Variants in OPTN observed in about 807,000 individuals in gnomAD.
OPTN encodes E3-14.7K-interacting protein.
Under a neutral mutation model 70.4 loss-of-function variants are expected in OPTN, and 54 were observed. The ratio of observed to expected loss-of-function variants is 0.77; its 90% CI spans 0.62 to 0.96. The LOEUF is 0.96. Ranked by LOEUF, OPTN falls within the 40% of genes least tolerant of loss-of-function variation. The pLI is 0.00. For synonymous variants in OPTN, 256 were observed against 248.5 expected (o/e 1.03, Z -0.28); for missense variants, 624 against 673.2 (o/e 0.93, Z 0.81).
At chr10:13,101,714 T>G (rs1832753325) in intron 1 of OPTN, among the ~76,000 whole-genome samples, 1 of 152,226 alleles carries the variant, frequency 6.6e-6, no homozygotes, top group African/African-American at 2.4e-5. Flanking sequence ...ATCTGTGTTA[T>G]GAAGTGATAC....
At chr10:13,118,383 C>A (rs1833265861) in intron 6 of OPTN, among the ~76,000 whole-genome samples, 1 of 152,168 alleles carries the variant, frequency 6.6e-6, no homozygotes, top group African/African-American at 2.4e-5. Context: ...ATCAACAGAG[C>A]CTCCATTTCT....
intron 6 of OPTN, 33 bp from the exon 7 acceptor site, chr10:13,118,854 CT>C (rs765308183): frequency 6.2e-7 from 1 of 1,606,264 alleles, no homozygotes; most frequent in South Asian, 1.1e-5. Flanking sequence ...TGGAATTTTT[CT>C]GATGAAAACC....
chr10:13,120,056 C>T (rs1405655312), intron 7 of OPTN, among the ~76,000 whole-genome samples: 2 of 148,042 alleles, frequency 1.4e-5, no homozygotes, highest in African/African-American at 2.5e-5. Context: ...AATCTCGGCT[C>T]ACTGCAAGCT....
chr10:13,100,201 G>C lies in OPTN; in HGVS notation c.-265G>C, dbSNP rs1351268397. On this transcript the variant is annotated 5_prime_UTR_variant, in exon 1 of 15. Transcript: ENST00000378747. Reference sequence around the variant, plus strand: ...CCCTCCGCCACCGCCGCCGCCCGCCGGCAGGTTCCCTGGTCAGCGTCCCAT... The same window carrying C: ...CCCTCCGCCACCGCCGCCGCCCGCCCGCAGGTTCCCTGGTCAGCGTCCCAT... 3.9e-5 allele frequency: 6 copies of C among 154,516 alleles called. No individual in the cohort carries two copies. Among genetic ancestry groups the C allele is most frequent in the African/African-American group, 1.4e-4 (6 of 41,470 alleles). 9.6% of individuals were successfully genotyped at this position (154,516 alleles called of 1,614,324 possible). A position where few individuals can be genotyped will look rare whatever the true frequency, so the allele number is the denominator to read the frequency against.
chr10:13,124,500 T>A (rs2131514450), intron 9 of OPTN, among the ~76,000 whole-genome samples: 1 of 152,342 alleles, frequency 6.6e-6, no homozygotes, highest in Non-Finnish European at 1.5e-5. Context: ...AAGGTCAATT[T>A]CAATTTGTTA....
In OPTN at chr10:13,104,453, C is replaced by T. The variant is rs867824074; in HGVS notation, c.-163-3685C>T. On this transcript the variant is annotated intron_variant, in intron 1 of 14. Coordinates refer to ENST00000378747, the MANE Select transcript of OPTN (RefSeq NM_001008212.2). Reference sequence around the variant, plus strand: ...TTTTTTTTTTTTTTTTTTACTATTACAAAATTTATTTAACAAAAAGTCTAA... The same window carrying T: ...TTTTTTTTTTTTTTTTTTACTATTATAAAATTTATTTAACAAAAAGTCTAA... 1.5e-3 allele frequency: 241 copies of T among 156,374 alleles called. 3 individuals carry two copies. The highest frequency in any genetic ancestry group is 0.015 in the Middle Eastern group (5 of 332). The allele number at this position is 156,374 out of a possible 1,614,324, so 9.7% of individuals were successfully genotyped here.
chr10:13,135,717 G>C (rs1833684858), intron 14 of OPTN, among the ~76,000 whole-genome samples: 1 of 152,124 alleles, frequency 6.6e-6, no homozygotes, highest in African/African-American at 2.4e-5. Flanking sequence ...GGTACACTCT[G>C]TTCTAGGAGA....
intron 12 of OPTN, among the ~76,000 whole-genome samples, chr10:13,130,317 C>T (rs1053698120): frequency 3.4e-5 from 5 of 146,418 alleles, no homozygotes; most frequent in African/African-American, 5.1e-5. Flanking sequence ...CCCAGCTACT[C>T]GGGAGGCTGA....
At chr10:13,100,800 G>A (rs764244992) in intron 1 of OPTN, among the ~76,000 whole-genome samples, 23 of 152,184 alleles carry the variant, frequency 1.5e-4, no homozygotes, top group Non-Finnish European at 3.1e-4. Flanking sequence ...AATATTTGAT[G>A]AGGCCGAGAA....
rs1833638260 is a variant in OPTN at position 13,133,638 on chromosome 10, T to C, written c.1612+57T>C. 8.0e-6 allele frequency: 12 copies of C among 1,508,876 alleles called. No homozygotes were observed. In the South Asian group the frequency reaches 1.2e-4, roughly 16 times the overall value. The allele number at this position is 1,508,876 out of a possible 1,614,324, so 93.5% of individuals were successfully genotyped here. ...AATAGCTATCCTATGAAAAAGATGC[T>C]TGAAGAAAAATTCCACTTCATTCTC... is the stretch of plus-strand genomic sequence containing the variant. On this transcript the variant is annotated intron_variant, in intron 14 of 14. Coordinates refer to ENST00000378747, the MANE Select transcript of OPTN (RefSeq NM_001008212.2).
At chr10:13,116,535 G>A (rs1833213442) in intron 6 of OPTN, 195 bp downstream of exon 6, 1 of 644,458 alleles carries the variant, frequency 1.6e-6, no homozygotes, top group Non-Finnish European at 2.8e-6. Context: ...AAAACTGTTT[G>A]GTTCCTGTTT....
At chr10:13,133,476 C>T (rs911318507) in intron 13 of OPTN, 26 bp from the exon 14 acceptor site, 7 of 1,607,584 alleles carry the variant, frequency 4.4e-6, no homozygotes, top group Non-Finnish European at 6.0e-6. Context: ...GAACATCACA[C>T]AGCGTGTTGC....
intron 1 of OPTN, among the ~76,000 whole-genome samples, chr10:13,101,180 C>T (rs1832735586): frequency 6.6e-6 from 1 of 152,144 alleles, no homozygotes; most frequent in African/African-American, 2.4e-5. Context: ...CCAGGGATTG[C>T]CCTGGAGTGG....
chr10:13,116,356 C>G lies in OPTN; in HGVS notation c.626+16C>G. 6.2e-7 allele frequency: 1 copy of G among 1,602,934 alleles called. No homozygotes were observed. The highest frequency in any genetic ancestry group is 2.2e-5 in the East Asian group (1 of 44,814). On this transcript the variant is annotated intron_variant, in intron 6 of 14. Coordinates refer to ENST00000378747, the MANE Select transcript of OPTN (RefSeq NM_001008212.2). ...CCACTGGCACGTATGTGAAGGAAGA[C>G]TCGGGCTGTCAGGCAGACAGGCTGG...
In OPTN at chr10:13,123,995, G is replaced by T. The variant is rs761558354; in HGVS notation, c.883G>T (p.Val295Phe). The change falls in exon 9 of 15, where the codon GTT becomes TTT. Residue 295 changes from valine (V) to phenylalanine (F), a missense_variant and splice_region_variant. By Grantham distance (50) the Val-to-Phe change is conservative. Transcript: ENST00000378747. ...ATGTTTGGGATTTCCCGTATGATAG[G>T]TTGGAAGCGAAGTGGAAGCACTGAA... ...ENDEEKGPETVGSEVEALNLQ... is the reference protein window; with the variant it reads ...ENDEEKGPETFGSEVEALNLQ... The T allele has an allele frequency of 4.3e-6, 7 of 1,609,514 alleles. No homozygotes were observed. The highest frequency in any genetic ancestry group is 6.0e-6 in the Non-Finnish European group (7 of 1,175,922).
At chr10:13,104,625 T>A (rs1832825046) in intron 1 of OPTN, 1 of 685,620 alleles carries the variant, frequency 1.5e-6, no homozygotes, top group Non-Finnish European at 2.8e-6. Context: ...ATTACCACCA[T>A]TCCAGTATTG....
In OPTN at chr10:13,109,287, A is replaced by G; in HGVS notation, c.165A>G (p.Lys55=). 9 of 1,613,780 alleles carry G rather than the reference A, an allele frequency of 5.6e-6. No homozygotes were observed. The highest frequency in any genetic ancestry group is 7.6e-6 in the Non-Finnish European group (9 of 1,179,860). The stretch of plus-strand genomic sequence containing the variant: ...TCCTGACCGAGAACCACCAGCTGAA[A>G]GGTGAGCAGGGCTGGCCCCTGTGTG... ...KELLTENHQL[K]EAMKLNNQAM... is the part of the protein sequence containing the mutation. The change falls in exon 3 of 15, where the codon AAA becomes AAG. Residue 55 remains lysine, a splice_region_variant and synonymous_variant. Coordinates refer to ENST00000378747, the MANE Select transcript of OPTN (RefSeq NM_001008212.2).
At chr10:13,126,638 G>A (rs928306495) in intron 11 of OPTN, among the ~76,000 whole-genome samples, 3 of 152,156 alleles carry the variant, frequency 2.0e-5, no homozygotes, top group Non-Finnish European at 4.4e-5. Flanking sequence ...GGCTTCTATG[G>A]GTAGGAAGGG....
At chr10:13,109,051 TC>T (rs1325628517) in intron 2 of OPTN, 60 bp from the exon 3 acceptor site, 36 of 1,515,520 alleles carry the variant, frequency 2.4e-5, no homozygotes, top group Non-Finnish European at 2.9e-5. Flanking sequence ...TTTGTGGGAC[TC>T]CCGGGGACCC....
Sources: gnomAD v4.1 joint callset for allele counts (sites outside exome capture counted in the v4.1 genomes callset) on GRCh38, gnomAD v4.1.1 for gene constraint, MANE v1.5 for transcripts, NCBI Gene and HGNC (gene_info 2026-07-23, HGNC 2026-07-21) for gene names.